The following TRAPPC9 variants were observed in gnomAD, a reference collection of about 807,000 sequenced individuals.
TRAPPC9 encodes IKK2 binding protein.
In TRAPPC9, 83 loss-of-function variants were observed where a neutral mutation model predicts 124.0. That is an observed-to-expected ratio of 0.67 (90% CI 0.56 to 0.80). The LOEUF is 0.80. Among genes scored for constraint, TRAPPC9 ranks in the 30% least tolerant of loss-of-function variants. The pLI is 0.00. For synonymous variants in TRAPPC9, 638 were observed against 617.5 expected, an observed-to-expected ratio of 1.03 and a Z score of -0.49; for missense variants, 1,302 against 1,508.3, an observed-to-expected ratio of 0.86 and a Z score of 2.27.
At chr8:140,262,586 C>G (rs751077079) in intron 15 of TRAPPC9, 3 of 151,702 alleles carry the variant, frequency 2.0e-5, no homozygotes, top group African/African-American at 4.9e-5. Flanking sequence ...TTCTAGGAGA[C>G]ACACCAGTAA....
intron 17 of TRAPPC9, chr8:140,099,447 G>C (rs1173791023): frequency 6.6e-6 from 1 of 151,564 alleles, no homozygotes; most frequent in African/African-American, 2.4e-5. Flanking sequence ...AAGCCCACCC[G>C]GGTTCTCCAC....
chr8:140,312,758 C>CT (rs553049081), intron 9 of TRAPPC9, among the ~76,000 whole-genome samples: 7,048 of 98,542 alleles, frequency 0.072, 242 homozygotes, highest in East Asian at 0.14. Context: ...TCTTCTTCTT[C>CT]TTTTTTTTTT....
chr8:140,115,563 G>A (rs1332940224), intron 17 of TRAPPC9, among the ~76,000 whole-genome samples: 1 of 152,060 alleles, frequency 6.6e-6, no homozygotes, highest in Non-Finnish European at 1.5e-5. Context: ...CACCGCACCT[G>A]GCCATTATAC....
rs535446410 is a variant in TRAPPC9 at position 140,115,793 on chromosome 8, C to T, written c.2557-91714G>A. On this transcript the variant is annotated intron_variant, in intron 17 of 22. Coordinates refer to ENST00000438773, the MANE Select transcript of TRAPPC9 (RefSeq NM_001160372.4). Reference sequence around the variant, plus strand: ...GGCTTAAAGGCTTGTTCCACACTTACGGGCTACGGGTCACTGAGGATGCTG... The same window carrying T: ...GGCTTAAAGGCTTGTTCCACACTTATGGGCTACGGGTCACTGAGGATGCTG... 4.6e-5 allele frequency among the ~76,000 whole-genome samples: 7 copies of T among 152,136 alleles called. No individual in the cohort carries two copies. In the South Asian group the frequency reaches 6.2e-4, roughly 14 times the overall value.
chr8:140,162,718 G>A (rs1020712631), intron 17 of TRAPPC9, among the ~76,000 whole-genome samples: 17 of 152,206 alleles, frequency 1.1e-4, no homozygotes, highest in Admixed American at 8.5e-4. Context: ...GGCCGGCACA[G>A]TGGCTCATGC....
rs1195467614 is a variant in TRAPPC9 at position 140,272,568 on chromosome 8, T to C, written c.2278+3090A>G. On this transcript the variant is annotated intron_variant, in intron 15 of 22. Coordinates refer to ENST00000438773, the MANE Select transcript of TRAPPC9 (RefSeq NM_001160372.4). ...TTCACTTTGCATTGCTATAAAGGAA[T>C]ACCTGAGGCTGGCTAATTTACAGGG... 2.6e-5 allele frequency among the ~76,000 whole-genome samples: 4 copies of C among 152,184 alleles called. No individual in the cohort carries two copies. In the East Asian group the frequency reaches 7.7e-4, roughly 29 times the overall value.
chr8:140,429,760 T>G (rs534555293), intron 4 of TRAPPC9, among the ~76,000 whole-genome samples: 72 of 149,696 alleles, frequency 4.8e-4, no homozygotes, highest in African/African-American at 1.7e-3. Flanking sequence ...GAGCCAAGAT[T>G]GTGCCATTGC....
intron 17 of TRAPPC9, among the ~76,000 whole-genome samples, chr8:140,207,681 A>G (rs868216827): frequency 2.6e-5 from 4 of 152,338 alleles, no homozygotes; most frequent in South Asian, 2.1e-4. Context: ...CTTCGCGGTG[A>G]CAGCGTCTTG....
Position 139,732,483 on chromosome 8 carries a change from A to G in TRAPPC9, c.3056-281T>C, listed in dbSNP as rs199225. Reference sequence around the variant, plus strand: ...GAGGGCCTCCTGCCACAGCCCACCTAGAAGGGGAGGAGCTCTCTAGTGAGT... The same window carrying G: ...GAGGGCCTCCTGCCACAGCCCACCTGGAAGGGGAGGAGCTCTCTAGTGAGT... On this transcript the variant is annotated intron_variant, in intron 21 of 22. Coordinates refer to ENST00000438773, the MANE Select transcript of TRAPPC9 (RefSeq NM_001160372.4). Among the ~76,000 whole-genome samples the G allele has an allele frequency of 0.22, 33,811 of 152,222 alleles. 4,668 individuals are homozygous for G. Among genetic ancestry groups the G allele is most frequent in the African/African-American group, 0.4 (16,413 of 41,540 alleles).
intron 6 of TRAPPC9, among the ~76,000 whole-genome samples, chr8:140,399,108 T>C (rs1163366223): frequency 6.6e-6 from 1 of 152,218 alleles, no homozygotes; most frequent in East Asian, 1.9e-4. Flanking sequence ...AGTCAATAAC[T>C]GAAGTTTGGG....
At chr8:139,791,430 TGTCTCCTGTGCACAGACTCACGGGTACCC>T (rs1445823677) in intron 21 of TRAPPC9, among the ~76,000 whole-genome samples, 3 of 137,108 alleles carry the variant, frequency 2.2e-5, no homozygotes, top group Admixed American at 7.1e-5. Context: ...CACACAGGTG[TGTCTCCTGTGCACAGACTCACGGGTACCC>T]GTCTCCCGTG....
At chr8:139,914,389 G>A (rs908763656) in intron 19 of TRAPPC9, among the ~76,000 whole-genome samples, 4 of 152,254 alleles carry the variant, frequency 2.6e-5, no homozygotes, top group Admixed American at 6.5e-5. Flanking sequence ...ATCACCTATT[G>A]CAGTCATCTT....
intron 19 of TRAPPC9, among the ~76,000 whole-genome samples, chr8:139,939,976 T>C (rs1322386538): frequency 3.3e-5 from 5 of 152,220 alleles, no homozygotes; most frequent in African/African-American, 1.2e-4. Flanking sequence ...GAAACGAGAT[T>C]GAATCTGAAA....
chr8:140,368,739 G>A (rs2068194364), intron 8 of TRAPPC9, among the ~76,000 whole-genome samples: 2 of 151,894 alleles, frequency 1.3e-5, no homozygotes, highest in Non-Finnish European at 1.5e-5. Flanking sequence ...TTCACTGCCC[G>A]CCTGACTCTC....
At chr8:139,861,494 G>T (rs1185839840) in intron 21 of TRAPPC9, among the ~76,000 whole-genome samples, 1 of 152,172 alleles carries the variant, frequency 6.6e-6, no homozygotes, top group Admixed American at 6.5e-5. Flanking sequence ...CTACTGACTA[G>T]GACTGTTGGG....
chr8:140,062,850 A>C (rs1842704790), intron 17 of TRAPPC9, among the ~76,000 whole-genome samples: 1 of 152,096 alleles, frequency 6.6e-6, no homozygotes, highest in Non-Finnish European at 1.5e-5. Flanking sequence ...CAGCACCCCG[A>C]CTATCACACA....
chr8:139,903,404 C>T (rs1217777790), intron 20 of TRAPPC9, among the ~76,000 whole-genome samples: 2 of 152,174 alleles, frequency 1.3e-5, no homozygotes, highest in African/African-American at 4.8e-5. Flanking sequence ...ATCAGCCAAA[C>T]TGCGCACCCA....
chr8:139,786,831 G>A (rs1822288442), intron 21 of TRAPPC9, among the ~76,000 whole-genome samples: 1 of 152,150 alleles, frequency 6.6e-6, no homozygotes, highest in Non-Finnish European at 1.5e-5. Context: ...TAAAACTCTA[G>A]AAAGTGCAAC....
chr8:140,440,192 T>A (rs1449257197), intron 2 of TRAPPC9, among the ~76,000 whole-genome samples: 1 of 152,190 alleles, frequency 6.6e-6, no homozygotes, highest in African/African-American at 2.4e-5. Flanking sequence ...TGGCCCCTGC[T>A]AACAGACCCT....
Sources: allele counts gnomAD v4.1 joint callset (sites outside exome capture counted in the v4.1 genomes callset), GRCh38; gene constraint gnomAD v4.1.1; transcripts MANE v1.5; gene names NCBI Gene and HGNC (gene_info 2026-07-23, HGNC 2026-07-21).